The following MEIS2 variants were observed in gnomAD, a reference collection of about 807,000 sequenced individuals.
MEIS2 encodes the protein homeobox protein Meis2.
MEIS2 carries 9 observed loss-of-function variants against 58.6 expected under a neutral mutation model. The ratio of observed to expected loss-of-function variants is 0.15; its 90% CI spans 0.09 to 0.27. The LOEUF is 0.27. Ranked by LOEUF, MEIS2 falls within the 10% of genes least tolerant of loss-of-function variation. MEIS2 has a pLI of 1.00. For synonymous variants in MEIS2, 221 were observed against 228.4 expected, an observed-to-expected ratio of 0.97 and a Z score of 0.29; for missense variants, 427 against 635.0, an observed-to-expected ratio of 0.67 and a Z score of 3.52.
At chr15:37,075,816 A>C (rs1379352586) in intron 7 of MEIS2, among the ~76,000 whole-genome samples, 1 of 151,990 alleles carries the variant, frequency 6.6e-6, no homozygotes, top group Non-Finnish European at 1.5e-5. Context: ...CAGAGAAGAT[A>C]ATATCAGAAC....
chr15:37,095,446 C>T (rs922394551), intron 4 of MEIS2, 118 bp downstream of exon 4: 2 of 1,491,848 alleles, frequency 1.3e-6, no homozygotes, highest in East Asian at 2.3e-5. Context: ...CTCCCTCTCT[C>T]CCTAGAGCTC....
intron 9 of MEIS2, among the ~76,000 whole-genome samples, chr15:36,932,938 G>C (rs967412586): frequency 6.6e-6 from 1 of 152,176 alleles, no homozygotes; most frequent in African/African-American, 2.4e-5. Flanking sequence ...CCAAAGATCA[G>C]ACCTTGACTG....
chr15:37,039,469 TGAAG>T, intron 7 of MEIS2, among the ~76,000 whole-genome samples: 1 of 152,336 alleles, frequency 6.6e-6, no homozygotes, highest in East Asian at 1.9e-4. Context: ...ATGGCTTAAT[TGAAG>T]GAAGTTCAAT....
intron 7 of MEIS2, among the ~76,000 whole-genome samples, chr15:37,048,043 G>A (rs942251196): frequency 1.3e-5 from 2 of 152,130 alleles, no homozygotes; most frequent in African/African-American, 2.4e-5. Flanking sequence ...GCGTTGTGAA[G>A]TGTTTTAGTA....
chr15:37,052,262 A>C (rs192894221), intron 7 of MEIS2, among the ~76,000 whole-genome samples: 3 of 152,354 alleles, frequency 2.0e-5, no homozygotes, highest in African/African-American at 7.2e-5. Context: ...ATAAGGATGA[A>C]ATGGAAGTAA....
chr15:36,933,883 C>A (rs542459011), intron 9 of MEIS2, among the ~76,000 whole-genome samples: 70 of 152,280 alleles, frequency 4.6e-4, no homozygotes, highest in African/African-American at 1.5e-3. Flanking sequence ...TGGTGCGATA[C>A]AAGTGGTGAT....
rs113871977 is a variant in MEIS2, at chr15:36,959,909, T to C, written c.901-9509A>G. ...ACTGAGATACTTGTATCTAATCTTATGACAACAATCCTACTTAACAGGTCC... is the reference window on the plus strand; with the variant it reads ...ACTGAGATACTTGTATCTAATCTTACGACAACAATCCTACTTAACAGGTCC... On this transcript the variant is annotated intron_variant, in intron 8 of 11. Coordinates refer to ENST00000561208, the MANE Select transcript of MEIS2 (RefSeq NM_170675.5). Among the ~76,000 whole-genome samples the C allele has an allele frequency of 3.6e-3, 548 of 152,268 alleles. 2 individuals are homozygous for C. The highest frequency in any genetic ancestry group is 0.012 in the African/African-American group (515 of 41,572).
At chr15:37,091,226 C>T (rs1298847967) in intron 6 of MEIS2, among the ~76,000 whole-genome samples, 1 of 152,072 alleles carries the variant, frequency 6.6e-6, no homozygotes, top group African/African-American at 2.4e-5. Context: ...AGGGGGAAGC[C>T]TGGACATGAA....
chr15:37,067,594 A>C (rs200586102), intron 7 of MEIS2, among the ~76,000 whole-genome samples: 1 of 69,034 alleles, frequency 1.4e-5, no homozygotes. Flanking sequence ...GAAATCAGAA[A>C]TTAAAAAAAA....
chr15:36,896,503 T>G, intron 10 of MEIS2, 125 bp downstream of exon 10: 1 of 712,602 alleles, frequency 1.4e-6, no homozygotes, highest in South Asian at 2.5e-5. Context: ...TCTGGGGACA[T>G]TAAAAAAAAA....
intron 8 of MEIS2, among the ~76,000 whole-genome samples, chr15:37,007,655 T>C (rs1220617765): frequency 6.6e-6 from 1 of 152,240 alleles, no homozygotes; most frequent in East Asian, 1.9e-4. Flanking sequence ...AAAAACATTC[T>C]AACTAACACA....
At chr15:36,969,953 G>GTCTT (rs2059480249) in intron 8 of MEIS2, among the ~76,000 whole-genome samples, 1 of 151,856 alleles carries the variant, frequency 6.6e-6, no homozygotes, top group African/African-American at 2.4e-5. Flanking sequence ...CAGGGCCCTT[G>GTCTT]TCTTCAAATA....
intron 8 of MEIS2, among the ~76,000 whole-genome samples, chr15:36,998,060 C>T (rs2060588793): frequency 6.6e-6 from 1 of 152,100 alleles, no homozygotes; most frequent in African/African-American, 2.4e-5. Flanking sequence ...TAGATGTTCT[C>T]TTCTTCAGTT....
At chr15:36,950,795 TATCTTTGTG>T (rs1201311853) in intron 8 of MEIS2, among the ~76,000 whole-genome samples, 1 of 152,122 alleles carries the variant, frequency 6.6e-6, no homozygotes, top group African/African-American at 2.4e-5. Flanking sequence ...TATTCTAAAT[TATCTTTGTG>T]AGATGGCTCA....
chr15:36,902,305 G>T (rs1401248752), intron 9 of MEIS2, among the ~76,000 whole-genome samples: 1 of 152,256 alleles, frequency 6.6e-6, no homozygotes, highest in African/African-American at 2.4e-5. Flanking sequence ...TACTCCTACA[G>T]GTAGCGTGTG....
At chr15:36,940,283 T>G (rs895926864) in intron 9 of MEIS2, among the ~76,000 whole-genome samples, 1 of 152,104 alleles carries the variant, frequency 6.6e-6, no homozygotes, top group Non-Finnish European at 1.5e-5. Flanking sequence ...AGAGCTCAGT[T>G]CAGGTTTCCT....
chr15:37,074,413 C>T (rs1053442019), intron 7 of MEIS2, among the ~76,000 whole-genome samples: 1 of 151,598 alleles, frequency 6.6e-6, no homozygotes, highest in African/African-American at 2.4e-5. Flanking sequence ...CATGTTATAC[C>T]CCAGATGAAA....
intron 7 of MEIS2, among the ~76,000 whole-genome samples, chr15:37,056,807 A>T (rs917696565): frequency 7.9e-5 from 12 of 152,186 alleles, no homozygotes; most frequent in African/African-American, 2.7e-4. Flanking sequence ...CCTGACCCCC[A>T]CCCTGGGCAC....
At chr15:36,903,667 C>T (rs1441873574) in intron 9 of MEIS2, among the ~76,000 whole-genome samples, 1 of 152,186 alleles carries the variant, frequency 6.6e-6, no homozygotes, top group Non-Finnish European at 1.5e-5. Flanking sequence ...AGCACTGTAG[C>T]CTGACCTGGC....
Sources: gnomAD v4.1 joint callset for allele counts (sites outside exome capture counted in the v4.1 genomes callset) on GRCh38, gnomAD v4.1.1 for gene constraint, MANE v1.5 for transcripts, NCBI Gene and HGNC (gene_info 2026-07-23, HGNC 2026-07-21) for gene names.